The following DPP10 variants were observed in gnomAD, a reference collection of about 807,000 sequenced individuals.
DPP10 encodes inactive dipeptidyl peptidase 10.
In DPP10, 33 loss-of-function variants were observed where a neutral mutation model predicts 120.9. That is an observed-to-expected ratio of 0.27 (90% CI 0.21 to 0.37). DPP10 has a LOEUF of 0.37. Among genes scored for constraint, DPP10 ranks in the 10% least tolerant of loss-of-function variants. DPP10 has a pLI of 1.00. For synonymous variants in DPP10, 337 were observed against 326.1 expected, an observed-to-expected ratio of 1.03 and a Z score of -0.36; for missense variants, 816 against 942.8, an observed-to-expected ratio of 0.87 and a Z score of 1.76.
At chr2:114,751,037 C>T (rs1482423932) in intron 1 of DPP10, among the ~76,000 whole-genome samples, 1 of 152,172 alleles carries the variant, frequency 6.6e-6, no homozygotes, top group Non-Finnish European at 1.5e-5. Flanking sequence ...TGTTAATTAG[C>T]ACCAAACAAA....
At chr2:115,018,019 G>T (rs929927034) in intron 1 of DPP10, among the ~76,000 whole-genome samples, 1 of 151,112 alleles carries the variant, frequency 6.6e-6, no homozygotes, top group African/African-American at 2.4e-5. Context: ...AAAAAAAAGA[G>T]AAAAACAACC....
At chr2:114,687,017 C>T (rs894622683) in intron 1 of DPP10, among the ~76,000 whole-genome samples, 9 of 151,944 alleles carry the variant, frequency 5.9e-5, no homozygotes, top group African/African-American at 2.2e-4. Flanking sequence ...TTAACCACAT[C>T]TCAGACATGC....
At chr2:115,024,368 C>T (rs1703300379) in intron 1 of DPP10, among the ~76,000 whole-genome samples, 1 of 151,804 alleles carries the variant, frequency 6.6e-6, no homozygotes, top group African/African-American at 2.4e-5. Context: ...TTCTTTGTTC[C>T]TGGTTTCCTC....
In DPP10 at chr2:115,255,700, T is replaced by C. The variant is rs1286503280; in HGVS notation, c.61-53539T>C. Among the ~76,000 whole-genome samples, 8 of 152,326 alleles carry C rather than the reference T, an allele frequency of 5.3e-5. No homozygotes were observed. The East Asian group carries it at 1.5e-3, about 29-fold the overall frequency. ...ACAGATATTTAGGGCAGGGGCAAAA[T>C]GCTGCCAGTCTCTTTGCTTAAGTAT... On this transcript the variant is annotated intron_variant, in intron 1 of 25. Transcript: ENST00000410059.
chr2:115,674,094 G>T (rs147970802), intron 5 of DPP10, among the ~76,000 whole-genome samples: 1 of 151,954 alleles, frequency 6.6e-6, no homozygotes, highest in African/African-American at 2.4e-5. Context: ...GCATGGTGAC[G>T]CTTGCCTGTA....
At chr2:115,157,282 A>T (rs2051986554) in intron 1 of DPP10, among the ~76,000 whole-genome samples, 1 of 150,746 alleles carries the variant, frequency 6.6e-6, no homozygotes, top group African/African-American at 2.4e-5. Flanking sequence ...ACAACACTGG[A>T]CCTCAGTAGG....
intron 13 of DPP10, among the ~76,000 whole-genome samples, chr2:115,775,769 A>C (rs1682023980): frequency 6.6e-6 from 1 of 152,154 alleles, no homozygotes; most frequent in Admixed American, 6.6e-5. Context: ...TAAACCAATT[A>C]TTGACAAGTT....
intron 1 of DPP10, among the ~76,000 whole-genome samples, chr2:114,853,571 G>A (rs981449080): frequency 6.6e-6 from 1 of 152,146 alleles, no homozygotes; most frequent in African/African-American, 2.4e-5. Flanking sequence ...GGCCATCTCT[G>A]AAGAATAAGG....
chr2:115,000,713 A>G (rs914296075), intron 1 of DPP10, among the ~76,000 whole-genome samples: 3 of 152,300 alleles, frequency 2.0e-5, no homozygotes, highest in Non-Finnish European at 4.4e-5. Context: ...ATAAAACAGT[A>G]TCTTTGGTGG....
chr2:115,423,315 G>A (rs926454113), intron 3 of DPP10, among the ~76,000 whole-genome samples: 1 of 152,024 alleles, frequency 6.6e-6, no homozygotes, highest in East Asian at 1.9e-4. Context: ...AGCCAAATGT[G>A]GCTAGAAAGA....
intron 1 of DPP10, among the ~76,000 whole-genome samples, chr2:114,675,953 C>T (rs1197699286): frequency 2.0e-5 from 3 of 152,024 alleles, no homozygotes; most frequent in Non-Finnish European, 4.4e-5. Flanking sequence ...GTGTGCACCA[C>T]CATGCCTGGC....
chr2:115,224,818 C>G (rs777673624), intron 1 of DPP10, among the ~76,000 whole-genome samples: 1 of 152,046 alleles, frequency 6.6e-6, no homozygotes, highest in Non-Finnish European at 1.5e-5. Context: ...AATAAAATTG[C>G]TGGGTGACAA....
intron 1 of DPP10, among the ~76,000 whole-genome samples, chr2:114,991,323 C>T (rs2104928823): frequency 6.6e-6 from 1 of 152,216 alleles, no homozygotes; most frequent in African/African-American, 2.4e-5. Flanking sequence ...AGGATCCACA[C>T]CAGTAGTGTA....
At chr2:114,918,487 T>G (rs1296905168) in intron 1 of DPP10, among the ~76,000 whole-genome samples, 1 of 152,114 alleles carries the variant, frequency 6.6e-6, no homozygotes, top group Non-Finnish European at 1.5e-5. Context: ...ATTAAAGACA[T>G]TTGCATGCAT....
intron 1 of DPP10, among the ~76,000 whole-genome samples, chr2:114,512,208 C>T (rs979313153): frequency 6.6e-6 from 1 of 152,138 alleles, no homozygotes; most frequent in Admixed American, 6.6e-5. Context: ...AATTAGTGAA[C>T]CCTGATGTTA....
intron 1 of DPP10, among the ~76,000 whole-genome samples, chr2:114,627,159 G>A (rs1194769095): frequency 6.6e-6 from 1 of 151,974 alleles, no homozygotes; most frequent in African/African-American, 2.4e-5. Flanking sequence ...ACCAGGTCTT[G>A]CTCACCAGTT....
chr2:114,951,344 T>C lies in DPP10; in HGVS notation c.61-357895T>C, dbSNP rs138846332. 6.4e-3 allele frequency among the ~76,000 whole-genome samples: 980 copies of C among 152,324 alleles called. 2 individuals are homozygous for C. The highest frequency in any genetic ancestry group is 0.017 in the Middle Eastern group (5 of 294). On this transcript the variant is annotated intron_variant, in intron 1 of 25. Coordinates refer to ENST00000410059, the MANE Select transcript of DPP10 (RefSeq NM_020868.6). ...TTATATTTGGTTCTTGTACAAGGAA[T>C]TTATAATATGAATATGATTAGAACT...
intron 13 of DPP10, among the ~76,000 whole-genome samples, chr2:115,773,609 A>G (rs1021956678): frequency 6.6e-6 from 1 of 152,116 alleles, no homozygotes; most frequent in Non-Finnish European, 1.5e-5. Context: ...CCAAGTTAAT[A>G]TTGCAGAGAT....
chr2:115,440,432 T>C (rs1407549101), intron 3 of DPP10, among the ~76,000 whole-genome samples: 1 of 150,676 alleles, frequency 6.6e-6, no homozygotes, highest in Non-Finnish European at 1.5e-5. Context: ...TTTTTCTTCC[T>C]GCTGGTTTAG....
Sources: gnomAD v4.1 joint callset for allele counts (sites outside exome capture counted in the v4.1 genomes callset) on GRCh38, gnomAD v4.1.1 for gene constraint, MANE v1.5 for transcripts, NCBI Gene and HGNC (gene_info 2026-07-23, HGNC 2026-07-21) for gene names.